The following ODAD2 variants were observed in gnomAD, a reference collection of about 807,000 sequenced individuals.
ODAD2 encodes the protein outer dynein arm-docking complex subunit 2.
Under a neutral mutation model 106.8 loss-of-function variants are expected in ODAD2, and 89 were observed. The observed-to-expected ratio is 0.83, with a 90% CI of 0.70 to 0.99. ODAD2 has a LOEUF of 0.99. Ranked by LOEUF, ODAD2 falls within the 50% of genes least tolerant of loss-of-function variation. The pLI, the probability that ODAD2 is intolerant of heterozygous loss-of-function variation, is 0.00. For synonymous variants in ODAD2, 404 were observed against 436.2 expected, an observed-to-expected ratio of 0.93 and a Z score of 0.92; for missense variants, 1,168 against 1,238.5, an observed-to-expected ratio of 0.94 and a Z score of 0.85.
Position 27,985,149 on chromosome 10 carries a change from T to C in ODAD2, c.445A>G (p.Ile149Val), listed in dbSNP as rs148416058. The change falls in exon 4 of 20, where the codon ATT (isoleucine) becomes GTT (valine). Residue 149 changes from isoleucine (I) to valine (V), a missense_variant. Coordinates refer to ENST00000305242, the MANE Select transcript of ODAD2 (RefSeq NM_018076.5). ...ATTTTGCCAAGAATATTTAATGCAA[T>C]TGAGTTTTCTTTCATTGTATTATAA... ...SDYNTMKENS[I>V]ALNILGKITR... 1.3e-6 allele frequency: 2 copies of C among 1,594,766 alleles called. No individual in the cohort carries two copies. The highest frequency in any genetic ancestry group is 1.3e-5 in the African/African-American group (1 of 74,494).
At chr10:27,928,121 G>C (rs1276470776) in intron 16 of ODAD2, among the ~76,000 whole-genome samples, 1 of 151,998 alleles carries the variant, frequency 6.6e-6, no homozygotes, top group African/African-American at 2.4e-5. Flanking sequence ...CATGGTCCTG[G>C]GTTGGGCATT....
Position 27,944,378 on chromosome 10 carries a change from C to T in ODAD2, c.1587G>A (p.Gln529=). 1 of 1,614,002 alleles carries T rather than the reference C, an allele frequency of 6.2e-7. No homozygotes were observed. The highest frequency in any genetic ancestry group is 8.5e-7 in the Non-Finnish European group (1 of 1,179,960). The change falls in exon 12 of 20, where the codon CAG becomes CAA. Residue 529 remains glutamine, a synonymous_variant. Transcript: ENST00000305242. The part of the protein sequence containing the change: ...KEISHNPQIR[Q]NIVDLGGLPI... ...GTAAGCCCCCAAGGTCAACAATATT[C>T]TGTCTGATTTGAGGATTATGACTGA...
intron 19 of ODAD2, among the ~76,000 whole-genome samples, chr10:27,835,343 G>A (rs1439608404): frequency 6.6e-6 from 1 of 152,194 alleles, no homozygotes; most frequent in Non-Finnish European, 1.5e-5. Flanking sequence ...GGTGAGATGT[G>A]AGAAAGAGCA....
intron 10 of ODAD2, among the ~76,000 whole-genome samples, 177 bp downstream of exon 10, chr10:27,961,391 G>A (rs900144344): frequency 6.6e-6 from 1 of 152,174 alleles, no homozygotes; most frequent in Non-Finnish European, 1.5e-5. Context: ...CCATGAGGAT[G>A]AATCTTGCAT....
chr10:27,853,084 C>T (rs1839397134), intron 19 of ODAD2, among the ~76,000 whole-genome samples: 1 of 151,804 alleles, frequency 6.6e-6, no homozygotes, highest in Non-Finnish European at 1.5e-5. Context: ...AAAAGTAAGC[C>T]CTGGCCGGGC....
chr10:27,832,884 A>G (rs73604081), intron 19 of ODAD2, among the ~76,000 whole-genome samples: 7,430 of 152,224 alleles, frequency 0.049, 637 homozygotes, highest in African/African-American at 0.17. Flanking sequence ...TGAGAAAATT[A>G]TCCGACTTAT....
chr10:27,858,266 C>T (rs868749697), intron 19 of ODAD2, among the ~76,000 whole-genome samples: 10 of 152,136 alleles, frequency 6.6e-5, no homozygotes, highest in African/African-American at 2.4e-4. Context: ...TGTTATGCTT[C>T]CCCCATGACC....
intron 2 of ODAD2, among the ~76,000 whole-genome samples, chr10:27,991,368 T>C (rs1850229236): frequency 6.6e-6 from 1 of 152,144 alleles, no homozygotes. Context: ...AACAGGGCTA[T>C]GCCCATCTAT....
At chr10:27,845,260 T>C (rs1812592) in intron 19 of ODAD2, among the ~76,000 whole-genome samples, 106,456 of 152,000 alleles carry the variant, frequency 0.7, 37,375 homozygotes, top group Middle Eastern at 0.75. Flanking sequence ...GAGTGGGGGC[T>C]GATATTCAAC....
chr10:27,960,825 G>A (rs1848084341), intron 10 of ODAD2, among the ~76,000 whole-genome samples: 1 of 152,148 alleles, frequency 6.6e-6, no homozygotes, highest in Non-Finnish European at 1.5e-5. Context: ...CATGAGTTAA[G>A]TCAAATACTT....
At chr10:27,960,624 A>C (rs1459974101) in intron 10 of ODAD2, among the ~76,000 whole-genome samples, 1 of 152,058 alleles carries the variant, frequency 6.6e-6, no homozygotes, top group Non-Finnish European at 1.5e-5. Flanking sequence ...TGCTGGGATT[A>C]TAGGTGTGAG....
chr10:27,880,649 C>G (rs1359400530), intron 17 of ODAD2, among the ~76,000 whole-genome samples: 3 of 152,150 alleles, frequency 2.0e-5, no homozygotes, highest in Non-Finnish European at 4.4e-5. Context: ...TAGCAAGAGG[C>G]CCTATTGCCC....
chr10:27,969,126 G>C, intron 8 of ODAD2, 108 bp from the exon 9 acceptor site: 4 of 665,200 alleles, frequency 6.0e-6, no homozygotes, highest in Non-Finnish European at 1.0e-5. Flanking sequence ...GTGCTCAAAT[G>C]ATGCGTGTTC....
At position 27,993,959 on chromosome 10, in the gene ODAD2, AATAT is replaced by A. The variant is rs33977457; in HGVS notation, c.224+956_224+959del. Among the ~76,000 whole-genome samples, 1,060 of 129,702 alleles carry A rather than the reference AATAT, an allele frequency of 8.2e-3. 17 individuals are homozygous for A. The highest frequency in any genetic ancestry group is 0.029 in the African/African-American group (1,008 of 35,158). The allele number at this position is 129,702 out of a possible 152,430, so 85.1% of individuals were successfully genotyped here. ...GGTGCAAAATAAACTGAGGCTGGCA[AATAT>A]ATATATATATATGTGTGTGTGTGTG... On this transcript the variant is annotated intron_variant, in intron 2 of 19. Transcript: ENST00000305242.
intron 17 of ODAD2, among the ~76,000 whole-genome samples, chr10:27,891,182 C>A (rs1355118804): frequency 6.6e-6 from 1 of 152,136 alleles, no homozygotes; most frequent in Non-Finnish European, 1.5e-5. Context: ...TGTGTTCTGT[C>A]ACACCTGTGG....
At chr10:27,923,137 G>A (rs979501059) in intron 16 of ODAD2, among the ~76,000 whole-genome samples, 4 of 152,006 alleles carry the variant, frequency 2.6e-5, no homozygotes, top group African/African-American at 7.2e-5. Context: ...AAAAAATTAC[G>A]ACATTGTTGA....
At chr10:27,993,972 A>ATGTG (rs777033435) in intron 2 of ODAD2, among the ~76,000 whole-genome samples, 1,038 of 92,120 alleles carry the variant, frequency 0.011, 9 homozygotes, top group East Asian at 0.089. Flanking sequence ...ATATATATAT[A>ATGTG]TATGTGTGTG....
intron 17 of ODAD2, among the ~76,000 whole-genome samples, chr10:27,872,029 C>T (rs1244407879): frequency 5.3e-5 from 8 of 152,244 alleles, no homozygotes; most frequent in South Asian, 2.1e-4. Flanking sequence ...TCTTTTATTT[C>T]GCTGAGCAGT....
At chr10:27,994,400 G>A (rs1164669150) in intron 2 of ODAD2, among the ~76,000 whole-genome samples, 3 of 151,964 alleles carry the variant, frequency 2.0e-5, no homozygotes, top group Admixed American at 6.6e-5. Flanking sequence ...CAGGTAATAC[G>A]GAAGTACCCC....
Sources: gnomAD v4.1 joint callset for allele counts (sites outside exome capture counted in the v4.1 genomes callset) on GRCh38, gnomAD v4.1.1 for gene constraint, MANE v1.5 for transcripts, NCBI Gene and HGNC (gene_info 2026-07-23, HGNC 2026-07-21) for gene names.